The following CTSB variants were observed in gnomAD, a reference collection of about 807,000 sequenced individuals.
The protein encoded by CTSB is cathepsin B, also known as APP secretase.
CTSB carries 57 observed loss-of-function variants against 44.3 expected under a neutral mutation model. That is an observed-to-expected ratio of 1.29 (90% CI 1.04 to 1.60). The LOEUF is 1.60. CTSB is among the 40% of genes most tolerant of loss of function. The pLI is 0.00. For synonymous variants in CTSB, 320 were observed against 168.0 expected, an observed-to-expected ratio of 1.91 and a Z score of -7.00; for missense variants, 768 against 443.0, an observed-to-expected ratio of 1.73 and a Z score of -6.59.
chr8:11,847,890 G>C, intron 6 of CTSB, 68 bp from the exon 7 acceptor site: 1 of 1,424,282 alleles, frequency 7.0e-7, no homozygotes, highest in East Asian at 2.4e-5. Context: ...GGCAAGGCAA[G>C]CCTCGTGCCT....
chr8:11,862,235 C>T (rs1305000561), intron 1 of CTSB: 1 of 151,680 alleles, frequency 6.6e-6, no homozygotes, highest in East Asian at 1.9e-4. Context: ...AAAGGCCTAG[C>T]TCTTGGATCC....
intron 1 of CTSB, among the ~76,000 whole-genome samples, chr8:11,860,212 G>A (rs1253120314): frequency 6.6e-6 from 1 of 152,206 alleles, no homozygotes; most frequent in African/African-American, 2.4e-5. Context: ...CTAGCTCCTG[G>A]CTGATAGACA....
At chr8:11,858,272 A>G (rs972984291) in intron 1 of CTSB, among the ~76,000 whole-genome samples, 6 of 152,192 alleles carry the variant, frequency 3.9e-5, no homozygotes, top group African/African-American at 1.4e-4. Context: ...AACGCCAGGA[A>G]GAGTCTAAAT....
At chr8:11,864,429 T>C (rs1176567883) in intron 1 of CTSB, 1 of 151,302 alleles carries the variant, frequency 6.6e-6, no homozygotes, top group East Asian at 1.9e-4. Context: ...TGGCTGAGGC[T>C]GCCGTGAGCC....
intron 4 of CTSB, 116 bp downstream of exon 4, chr8:11,850,750 A>G: frequency 1.6e-6 from 1 of 634,028 alleles, no homozygotes; most frequent in South Asian, 2.0e-5. Context: ...ACTGGGACTC[A>G]GAAAGTTTCT....
At chr8:11,859,400 G>T (rs911706936) in intron 1 of CTSB, among the ~76,000 whole-genome samples, 11 of 152,110 alleles carry the variant, frequency 7.2e-5, no homozygotes, top group African/African-American at 2.7e-4. Flanking sequence ...GTGCGGCTAA[G>T]TCACAGGAGG....
Position 11,852,689 on chromosome 8 carries a change from G to A in CTSB, c.133C>T (p.His45Tyr), listed in dbSNP as rs746053844. The change falls in exon 3 of 10, where the codon CAC becomes TAC. Residue 45 changes from histidine to tyrosine, a missense_variant. His to Tyr is a moderately conservative substitution (Grantham distance 83, BLOSUM62 2). Coordinates refer to ENST00000353047, the MANE Select transcript of CTSB (RefSeq NM_001908.5). ...CTCATGTCCACGTTGTAGAAGTTGT[G>A]CCCGGCCTGGAAGAGAGTCACCCAC... ...NKRNTTWQAG[H>Y]NFYNVDMSYL... The A allele has an allele frequency of 6.2e-6, 10 of 1,613,782 alleles. No homozygotes were observed. The highest frequency in any genetic ancestry group is 1.3e-5 in the African/African-American group (1 of 74,938).
Position 11,845,055 on chromosome 8 carries a change from A to AACTT in CTSB, c.*66_*69dup, listed in dbSNP as rs1813001154. On this transcript the variant is annotated 3_prime_UTR_variant, in exon 10 of 10. Coordinates refer to ENST00000353047, the MANE Select transcript of CTSB (RefSeq NM_001908.5). ...CTGTCTGAAACTTGTATCTTACGTG[A>AACTT]ACTTAAAGAATAAAATGCATTTCTA... 1 of 1,048,478 alleles carries AACTT rather than the reference A, an allele frequency of 9.5e-7. No individual in the cohort carries two copies. Among genetic ancestry groups the AACTT allele is most frequent in the Non-Finnish European group, 1.5e-6 (1 of 674,052 alleles). 64.9% of individuals were successfully genotyped at this position (1,048,478 alleles called of 1,614,324 possible).
intron 1 of CTSB, among the ~76,000 whole-genome samples, chr8:11,860,644 A>C (rs952838260): frequency 2.0e-5 from 3 of 152,122 alleles, no homozygotes; most frequent in Admixed American, 6.6e-5. Flanking sequence ...AAACAAAACA[A>C]AACAAAAACA....
chr8:11,853,286 G>T (rs750414611), intron 2 of CTSB, 43 bp downstream of exon 2: 4 of 1,607,568 alleles, frequency 2.5e-6, no homozygotes, highest in South Asian at 1.1e-5. Context: ...TGCACAGACC[G>T]ACCTGGGAGG....
intron 4 of CTSB, among the ~76,000 whole-genome samples, chr8:11,849,823 C>G (rs186885924): frequency 6.6e-6 from 1 of 151,754 alleles, no homozygotes; most frequent in East Asian, 1.9e-4. Flanking sequence ...TCAGGTGATC[C>G]GCCTGCCTCA....
At chr8:11,846,587 T>A (rs1813391706) in intron 8 of CTSB, among the ~76,000 whole-genome samples, 1 of 152,148 alleles carries the variant, frequency 6.6e-6, no homozygotes, top group Non-Finnish European at 1.5e-5. Context: ...CCCTGTGTGT[T>A]CATCCACTGG....
At chr8:11,860,692 G>A (rs1483585237) in intron 1 of CTSB, among the ~76,000 whole-genome samples, 1 of 152,206 alleles carries the variant, frequency 6.6e-6, no homozygotes, top group Non-Finnish European at 1.5e-5. Context: ...AGCCACAAAT[G>A]AAGACTGTGC....
intron 7 of CTSB, 47 bp downstream of exon 7, chr8:11,847,632 G>C: frequency 6.7e-7 from 1 of 1,495,146 alleles, no homozygotes; most frequent in Non-Finnish European, 8.9e-7. Flanking sequence ...GGATGCAGCA[G>C]CTCCCCAGCC....
chr8:11,843,892 C>G lies in CTSB; in HGVS notation c.*1233G>C, dbSNP rs1209658075. ...CTTAAAAATACAAAAATTACCCAGG[C>G]ATATTGGTGAGTGCCTGTCATCCCA... On this transcript the variant is annotated 3_prime_UTR_variant, in exon 10 of 10. Transcript: ENST00000353047. The G allele has an allele frequency of 6.6e-6, 1 of 152,160 alleles. No individual in the cohort carries two copies. Among genetic ancestry groups the G allele is most frequent in the Non-Finnish European group, 1.5e-5 (1 of 68,044 alleles). The allele number at this position is 152,160 out of a possible 1,614,324, so 9.4% of individuals were successfully genotyped here.
At chr8:11,852,475 C>G (rs1814765691) in intron 3 of CTSB, 135 bp downstream of exon 3, 3 of 541,062 alleles carry the variant, frequency 5.5e-6, no homozygotes, top group Non-Finnish European at 9.8e-6. Flanking sequence ...AAGTACTGTA[C>G]CTCAAGCGGT....
chr8:11,847,197 G>A, intron 7 of CTSB, 29 bp from the exon 8 acceptor site: 1 of 1,469,064 alleles, frequency 6.8e-7, no homozygotes, highest in South Asian at 1.1e-5. Context: ...TCGGGGTTGG[G>A]GAGGGCAGTG....
intron 6 of CTSB, 85 bp downstream of exon 6, chr8:11,847,982 C>A (rs1813763307): frequency 1.5e-6 from 2 of 1,379,194 alleles, no homozygotes; most frequent in Non-Finnish European, 1.0e-6. Context: ...TCTCAACCCC[C>A]AGTTTATAAA....
In CTSB at chr8:11,849,112, G is replaced by C; in HGVS notation, c.380C>G (p.Ala127Gly). ...ISDRICIHTN[A>G]HVSVEVSAED... ...CGCCGACACCTCCACGCTGACGTGC[G>C]CATTGGTGTGGATGCAGATCCGGTC... is the stretch of plus-strand genomic sequence containing the variant. The change falls in exon 5 of 10, where the codon GCG (alanine) becomes GGG (glycine). Residue 127 changes from alanine (A) to glycine (G), a missense_variant. Coordinates refer to ENST00000353047, the MANE Select transcript of CTSB (RefSeq NM_001908.5). The C allele has an allele frequency of 1.2e-6, 2 of 1,613,522 alleles. No individual in the cohort carries two copies. The highest frequency in any genetic ancestry group is 1.7e-6 in the Non-Finnish European group (2 of 1,179,868).
Sources: gnomAD v4.1 joint callset for allele counts (sites outside exome capture counted in the v4.1 genomes callset) on GRCh38, gnomAD v4.1.1 for gene constraint, MANE v1.5 for transcripts, NCBI Gene and HGNC (gene_info 2026-07-23, HGNC 2026-07-21) for gene names.